The following SIRPA variants were observed in gnomAD, a reference collection of about 807,000 sequenced individuals.
SIRPA encodes the protein signal regulatory protein alpha.
SIRPA carries 9 observed loss-of-function variants against 50.3 expected under a neutral mutation model. The observed-to-expected ratio is 0.18, with a 90% CI of 0.11 to 0.31. The LOEUF (loss-of-function observed/expected upper bound fraction) is 0.31. Ranked by LOEUF, SIRPA falls within the 10% of genes least tolerant of loss-of-function variation. The pLI is 1.00. For missense variants in SIRPA, 474 were observed against 661.6 expected (o/e 0.72, Z 3.11); for synonymous variants, 265 against 284.1 (o/e 0.93, Z 0.68).
intron 4 of SIRPA, among the ~76,000 whole-genome samples, chr20:1,923,997 G>T (rs1244781838): frequency 6.6e-6 from 1 of 151,914 alleles, no homozygotes; most frequent in Non-Finnish European, 1.5e-5. Flanking sequence ...TGGTTGGTTG[G>T]TTGGTTGGTT....
At position 1,915,290 on chromosome 20, in the gene SIRPA, A is replaced by G. The variant is rs1296766988; in HGVS notation, c.271A>G (p.Thr91Ala). 1.9e-6 allele frequency: 3 copies of G among 1,613,470 alleles called. No individual in the cohort carries two copies. Among genetic ancestry groups the G allele is most frequent in the African/African-American group, 2.7e-5 (2 of 74,784 alleles). ...NQKEGHFPRV[T>A]TVSDLTKRNN... ...AAAAGAAGGCCACTTCCCCCGGGTAACAACTGTTTCAGACCTCACAAAGAG... is the reference window on the plus strand; with the variant it reads ...AAAAGAAGGCCACTTCCCCCGGGTAGCAACTGTTTCAGACCTCACAAAGAG... The change falls in exon 2 of 8, where the codon ACA becomes GCA. Residue 91 changes from threonine (T) to alanine (A), a missense_variant. Thr to Ala is a moderately conservative substitution (Grantham distance 58). Transcript: ENST00000358771.
At position 1,924,688 on chromosome 20, in the gene SIRPA, G is replaced by T. The variant is rs187276337; in HGVS notation, c.1088-76G>T. 1.9e-5 allele frequency: 23 copies of T among 1,181,270 alleles called. No homozygotes were observed. In the Admixed American group the frequency reaches 3.5e-4, roughly 18 times the overall value. The allele number at this position is 1,181,270 out of a possible 1,614,324, so 73.2% of individuals were successfully genotyped here. On this transcript the variant is annotated intron_variant, in intron 4 of 7. Coordinates refer to ENST00000358771, the MANE Select transcript of SIRPA (RefSeq NM_001040023.2). This position sits in a 1 kb window ranked among gnomAD's most constrained non-coding sequence, Gnocchi z 4.5. ...TCTCAGTTAATGATGCCTGCTTAGTGGTGAAAAGCAGTGGTGGGTTTGGTT... is the reference window on the plus strand; with the variant it reads ...TCTCAGTTAATGATGCCTGCTTAGTTGTGAAAAGCAGTGGTGGGTTTGGTT...
At position 1,924,880 on chromosome 20, in the gene SIRPA, G is replaced by A. The variant is rs1490771925; in HGVS notation, c.1201+3G>A. ...CGTCCGAATCAGACAGAAGAAAGGTGGGTGCATTCCCCTCTTCCTCCCTAA... is the reference window on the plus strand; with the variant it reads ...CGTCCGAATCAGACAGAAGAAAGGTAGGTGCATTCCCCTCTTCCTCCCTAA... On this transcript the variant is annotated splice_donor_region_variant and intron_variant, in intron 5 of 7. Coordinates refer to ENST00000358771, the MANE Select transcript of SIRPA (RefSeq NM_001040023.2). This position sits in a 1 kb window ranked among gnomAD's most constrained non-coding sequence, Gnocchi z 4.5. 4 of 1,610,790 alleles carry A rather than the reference G, an allele frequency of 2.5e-6. No homozygotes were observed. Among genetic ancestry groups the A allele is most frequent in the South Asian group, 1.1e-5 (1 of 91,018 alleles).
In SIRPA at chr20:1,898,949, G is replaced by A. The variant is rs1382067780; in HGVS notation, c.79+3423G>A. Reference sequence around the variant, plus strand: ...ATATTCCTCCCTGCATCTTCCTGGTGCCCTTTGCGACAGATGGAGAGGGGG... The same window carrying A: ...ATATTCCTCCCTGCATCTTCCTGGTACCCTTTGCGACAGATGGAGAGGGGG... On this transcript the variant is annotated intron_variant, in intron 1 of 7. Transcript: ENST00000358771. This position sits in a 1 kb window ranked among gnomAD's most constrained non-coding sequence, Gnocchi z 4.3. Among the ~76,000 whole-genome samples the A allele has an allele frequency of 4.0e-5, 6 of 151,888 alleles. No homozygotes were observed. The highest frequency in any genetic ancestry group is 3.9e-4 in the Admixed American group (6 of 15,250).
intron 2 of SIRPA, among the ~76,000 whole-genome samples, chr20:1,918,651 G>A (rs1056873039): frequency 1.6e-4 from 25 of 152,180 alleles, no homozygotes; most frequent in African/African-American, 5.8e-4. Flanking sequence ...CTGGGGCGAC[G>A]ATAGACCTTA....
At position 1,927,556 on chromosome 20, in the gene SIRPA, G is replaced by A. The variant is rs765359305; in HGVS notation, c.1202-319G>A. Among the ~76,000 whole-genome samples the A allele has an allele frequency of 7.2e-5, 11 of 152,340 alleles. No individual in the cohort carries two copies. Among genetic ancestry groups the A allele is most frequent in the Middle Eastern group, 3.4e-3 (1 of 294 alleles). ...GACCTAGGCTTGTTGGAGGGTCTCC[G>A]CTGAGGTTTGTGGTTGAATGGAGGT... On this transcript the variant is annotated intron_variant, in intron 5 of 7. Coordinates refer to ENST00000358771, the MANE Select transcript of SIRPA (RefSeq NM_001040023.2). This position sits in a 1 kb window ranked among gnomAD's most constrained non-coding sequence, Gnocchi z 6.5.
intron 1 of SIRPA, among the ~76,000 whole-genome samples, chr20:1,909,731 G>A (rs1280796511): frequency 1.3e-5 from 2 of 152,158 alleles, no homozygotes; most frequent in Admixed American, 1.3e-4. Context: ...GCAGTGAGCC[G>A]AGATTGTGCC....
Position 1,922,398 on chromosome 20 carries a change from C to T in SIRPA, c.840C>T (p.Pro280=). Residue 280 remains proline (P), a synonymous_variant, in exon 4 of 8, where the codon CCC becomes CCT. Coordinates refer to ENST00000358771, the MANE Select transcript of SIRPA (RefSeq NM_001040023.2). ...NVTCQVRKFY[P]QRLQLTWLEN... Reference sequence around the variant, plus strand: ...CCTGCCAGGTGAGGAAGTTCTACCCCCAGAGACTACAGCTGACCTGGTTGG... The same window carrying T: ...CCTGCCAGGTGAGGAAGTTCTACCCTCAGAGACTACAGCTGACCTGGTTGG... 6.2e-7 allele frequency: 1 copy of T among 1,614,234 alleles called. No individual in the cohort carries two copies. The highest frequency in any genetic ancestry group is 8.5e-7 in the Non-Finnish European group (1 of 1,180,044).
chr20:1,930,216 C>T (rs1568512615), intron 6 of SIRPA, among the ~76,000 whole-genome samples: 1 of 152,182 alleles, frequency 6.6e-6, no homozygotes, highest in Non-Finnish European at 1.5e-5. Context: ...AGCAAGGGCA[C>T]GACATCCTCC....
At position 1,909,051 on chromosome 20, in the gene SIRPA, C is replaced by T. The variant is rs76420752; in HGVS notation, c.80-6048C>T. Reference sequence around the variant, plus strand: ...CCCCGATGAGGAGCTGCTATAAGTGCGGGGTGGAAAATCGCAGCCTTCTGA... The same window carrying T: ...CCCCGATGAGGAGCTGCTATAAGTGTGGGGTGGAAAATCGCAGCCTTCTGA... On this transcript the variant is annotated intron_variant, in intron 1 of 7. Coordinates refer to ENST00000358771, the MANE Select transcript of SIRPA (RefSeq NM_001040023.2). Among the ~76,000 whole-genome samples, 268 of 152,214 alleles carry T rather than the reference C, an allele frequency of 1.8e-3. 1 individual carries two copies. Among genetic ancestry groups the T allele is most frequent in the African/African-American group, 6.1e-3 (252 of 41,526 alleles).
rs747309226 is a variant in SIRPA at position 1,939,933 on chromosome 20, G to A, written c.*2365G>A. ...TCAGTATTCTTGTCTTTGTGAGTGCGTCCCGGGGCCGCCTCGGGGCCTGCC... is the reference window on the plus strand; with the variant it reads ...TCAGTATTCTTGTCTTTGTGAGTGCATCCCGGGGCCGCCTCGGGGCCTGCC... On this transcript the variant is annotated 3_prime_UTR_variant, in exon 8 of 8. Transcript: ENST00000358771. This position sits in a 1 kb window ranked among gnomAD's most constrained non-coding sequence, Gnocchi z 4.7. 5 of 152,548 alleles carry A rather than the reference G, an allele frequency of 3.3e-5. No homozygotes were observed. The highest frequency in any genetic ancestry group is 2.1e-4 in the South Asian group (1 of 4,830). 9.4% of individuals were successfully genotyped at this position (152,548 alleles called of 1,614,324 possible). A position where few individuals can be genotyped will look rare whatever the true frequency, so the allele number is the denominator to read the frequency against.
rs1040132804 is a variant in SIRPA at position 1,927,476 on chromosome 20, C to G, written c.1202-399C>G. On this transcript the variant is annotated intron_variant, in intron 5 of 7. Transcript: ENST00000358771. The surrounding 1 kb of genome is among the most constrained non-coding windows in gnomAD (Gnocchi z 6.5). ...GCAGACCCGGGGTTCACACATGATC[C>G]CCGATTTGCAGCCCTGCTAGAATCT... Among the ~76,000 whole-genome samples, 9 of 152,150 alleles carry G rather than the reference C, an allele frequency of 5.9e-5. No homozygotes were observed. The highest frequency in any genetic ancestry group is 1.2e-4 in the Non-Finnish European group (8 of 68,026).
chr20:1,914,451 A>C (rs916305721), intron 1 of SIRPA, among the ~76,000 whole-genome samples: 4 of 131,266 alleles, frequency 3.0e-5, no homozygotes, highest in Middle Eastern at 3.6e-3. Flanking sequence ...GGCTGAGAGC[A>C]GTAAGGGCAA....
chr20:1,921,441 A>G lies in SIRPA; in HGVS notation c.483A>G (p.Thr161=), dbSNP rs1184920823. The stretch of plus-strand genomic sequence containing the variant: ...TATCGGGCCCTGCGGCGAGGGCCAC[A>G]CCTCAGCACACAGTGAGCTTCACCT... ...PVVSGPAARA[T]PQHTVSFTCE... is the part of the protein sequence containing the mutation. Residue 161 remains threonine, a synonymous_variant, in exon 3 of 8, where the codon ACA becomes ACG. Coordinates refer to ENST00000358771, the MANE Select transcript of SIRPA (RefSeq NM_001040023.2). 12 of 1,613,588 alleles carry G rather than the reference A, an allele frequency of 7.4e-6. No homozygotes were observed. The highest frequency in any genetic ancestry group is 9.3e-6 in the Non-Finnish European group (11 of 1,179,786).
intron 1 of SIRPA, among the ~76,000 whole-genome samples, chr20:1,902,747 C>A (rs1029880387): frequency 6.6e-6 from 1 of 152,168 alleles, no homozygotes; most frequent in African/African-American, 2.4e-5. Flanking sequence ...TGCGGTGGCT[C>A]ACGCCTATAA....
chr20:1,935,615 G>A (rs1453779848), intron 7 of SIRPA, among the ~76,000 whole-genome samples: 1 of 152,240 alleles, frequency 6.6e-6, no homozygotes. Flanking sequence ...AGTCATGAGC[G>A]AGGGAGATCT....
chr20:1,905,609 T>C (rs1445941115), intron 1 of SIRPA, among the ~76,000 whole-genome samples: 1 of 152,200 alleles, frequency 6.6e-6, no homozygotes, highest in Non-Finnish European at 1.5e-5. Context: ...CAGGCCTTAC[T>C]CCAGGCCTCA....
chr20:1,924,744 C>G lies in SIRPA; in HGVS notation c.1088-20C>G, dbSNP rs765941210. 3 of 1,601,398 alleles carry G rather than the reference C, an allele frequency of 1.9e-6. No individual in the cohort carries two copies. Among genetic ancestry groups the G allele is most frequent in the Admixed American group, 1.7e-5 (1 of 60,010 alleles). Reference sequence around the variant, plus strand: ...TTTTTAATCTGCATACGTGAAGCCTCTATTCCATGTGGTCCCTAGAGAACA... The same window carrying G: ...TTTTTAATCTGCATACGTGAAGCCTGTATTCCATGTGGTCCCTAGAGAACA... On this transcript the variant is annotated intron_variant, in intron 4 of 7. Coordinates refer to ENST00000358771, the MANE Select transcript of SIRPA (RefSeq NM_001040023.2). The surrounding 1 kb of genome is among the most constrained non-coding windows in gnomAD (Gnocchi z 4.5).
chr20:1,936,236 G>A lies in SIRPA; in HGVS notation c.1267-1084G>A, dbSNP rs975737286. On this transcript the variant is annotated intron_variant, in intron 7 of 7. Transcript: ENST00000358771. The surrounding 1 kb of genome is among the most constrained non-coding windows in gnomAD (Gnocchi z 4.2). ...GAGCAAAGTTTATCATTCATGATGG[G>A]CGCTTTTGAGGCGGCAGTGGCAGGT... Among the ~76,000 whole-genome samples the A allele has an allele frequency of 7.9e-5, 12 of 152,288 alleles. 1 individual carries two copies. The highest frequency in any genetic ancestry group is 2.6e-4 in the African/African-American group (11 of 41,548).
Sources: allele counts gnomAD v4.1 joint callset (sites outside exome capture counted in the v4.1 genomes callset), GRCh38; gene constraint gnomAD v4.1.1; non-coding constraint Gnocchi (gnomAD v3.1); transcripts MANE v1.5; gene names NCBI Gene and HGNC (gene_info 2026-07-23, HGNC 2026-07-21).